The following MAP7 variants were observed in gnomAD, a reference collection of about 807,000 sequenced individuals.
MAP7 encodes the protein ensconsin.
Under a neutral mutation model 94.8 loss-of-function variants are expected in MAP7, and 52 were observed. That is an observed-to-expected ratio of 0.55 (90% CI 0.44 to 0.69). MAP7 has a LOEUF of 0.69. Among genes scored for constraint, MAP7 ranks in the 30% least tolerant of loss-of-function variants. The pLI, the probability that MAP7 is intolerant of heterozygous loss-of-function variation, is 0.00. For synonymous variants in MAP7, 350 were observed against 357.0 expected (o/e 0.98, Z 0.22); for missense variants, 940 against 964.6 (o/e 0.97, Z 0.34).
chr6:136,366,914 C>T (rs978413484), intron 8 of MAP7, among the ~76,000 whole-genome samples: 1 of 152,138 alleles, frequency 6.6e-6, no homozygotes, highest in African/African-American at 2.4e-5. Context: ...CTATATTAGA[C>T]ATAAACTCAT....
chr6:136,538,798 CAA>C (rs397836178), intron 1 of MAP7, among the ~76,000 whole-genome samples: 11,103 of 65,444 alleles, frequency 0.17, 281 homozygotes, highest in East Asian at 0.22. Flanking sequence ...GATTTTGTCT[CAA>C]AAAAAAAAAA....
At chr6:136,374,289 CTT>C (rs1344980734) in intron 7 of MAP7, among the ~76,000 whole-genome samples, 2 of 152,184 alleles carry the variant, frequency 1.3e-5, no homozygotes, top group African/African-American at 4.8e-5. Context: ...AGGAAAAACT[CTT>C]TGAAAATAAT....
intron 7 of MAP7, among the ~76,000 whole-genome samples, chr6:136,374,098 AC>A (rs1775382210): frequency 6.6e-6 from 1 of 152,204 alleles, no homozygotes; most frequent in Non-Finnish European, 1.5e-5. Context: ...TCATTTGAAA[AC>A]AGAATTCTGT....
chr6:136,483,129 C>CAAA (rs57320038), intron 1 of MAP7, among the ~76,000 whole-genome samples: 1,187 of 83,052 alleles, frequency 0.014, 38 homozygotes, highest in East Asian at 0.14. Flanking sequence ...AAGTATCTTT[C>CAAA]AAAAAAAAAA....
At chr6:136,377,924 G>C in intron 6 of MAP7, 56 bp from the exon 7 acceptor site, 1 of 1,258,388 alleles carries the variant, frequency 7.9e-7, no homozygotes, top group Non-Finnish European at 1.2e-6. Flanking sequence ...AGTCAAGAGG[G>C]CATAATACAT....
intron 1 of MAP7, among the ~76,000 whole-genome samples, chr6:136,490,353 C>T (rs1268042009): frequency 6.6e-6 from 1 of 152,124 alleles, no homozygotes; most frequent in East Asian, 1.9e-4. Context: ...TTTAATGATA[C>T]AAATATGCCA....
intron 1 of MAP7, 108 bp from the exon 2 acceptor site, chr6:136,421,907 G>C: frequency 1.3e-6 from 1 of 781,272 alleles, no homozygotes; most frequent in Non-Finnish European, 2.0e-6. Context: ...AGGTTCTTAG[G>C]CTAGATTAAG....
chr6:136,520,611 G>A (rs1826132110), intron 1 of MAP7, among the ~76,000 whole-genome samples: 1 of 152,204 alleles, frequency 6.6e-6, no homozygotes, highest in African/African-American at 2.4e-5. Context: ...CAGTGCGGAA[G>A]GAGCACAGTG....
At chr6:136,547,988 G>C (rs1829860582) in intron 1 of MAP7, among the ~76,000 whole-genome samples, 1 of 152,082 alleles carries the variant, frequency 6.6e-6, no homozygotes, top group South Asian at 2.1e-4. Flanking sequence ...ATAATAATGA[G>C]TTCTAAAAAG....
chr6:136,468,802 T>G (rs1807978841), intron 1 of MAP7, among the ~76,000 whole-genome samples: 1 of 152,198 alleles, frequency 6.6e-6, no homozygotes, highest in South Asian at 2.1e-4. Context: ...TATGTTCTGC[T>G]GCAGCATCTA....
rs114912450 is a variant in MAP7, at chr6:136,372,542, G to T, written c.835C>A (p.Pro279Thr). Residue 279 changes from proline (P) to threonine (T), a missense_variant, in exon 8 of 18, where the codon CCT becomes ACT. Physicochemically the swap from Pro to Thr is conservative, Grantham distance 38. Transcript: ENST00000354570. ...ATCCTCCTGCGAGAAGAGCCCTCAG[G>T]TGGTGTTACAAAGAGTTTTGGTCGA... is the stretch of plus-strand genomic sequence containing the variant. The part of the protein sequence containing the change: ...MDRPKLFVTP[P>T]EGSSRRRIIH... 3.7e-4 allele frequency: 597 copies of T among 1,614,196 alleles called. No individual in the cohort carries two copies. In the African/African-American group the frequency reaches 7.1e-3, roughly 19 times the overall value.
At position 136,424,225 on chromosome 6, in the gene MAP7, G is replaced by T. The variant is rs369553665; in HGVS notation, c.68-2426C>A. ...ACCTGAAAATCCTCATTAACTAGAAGATAGGATTGTATATACCCTTATAAA... is the reference window on the plus strand; with the variant it reads ...ACCTGAAAATCCTCATTAACTAGAATATAGGATTGTATATACCCTTATAAA... On this transcript the variant is annotated intron_variant, in intron 1 of 17. Transcript: ENST00000354570. Among the ~76,000 whole-genome samples the T allele has an allele frequency of 3.1e-4, 47 of 150,550 alleles. 1 individual carries two copies. The highest frequency in any genetic ancestry group is 1.1e-3 in the African/African-American group (45 of 40,934).
intron 1 of MAP7, chr6:136,466,901 A>G: frequency 1.3e-6 from 2 of 1,509,570 alleles, no homozygotes; most frequent in East Asian, 4.9e-5. Context: ...TAATCATGCT[A>G]ACTATTATCT....
intron 1 of MAP7, among the ~76,000 whole-genome samples, chr6:136,449,920 G>T (rs540889936): frequency 2.8e-4 from 42 of 152,318 alleles, no homozygotes; most frequent in African/African-American, 9.9e-4. Context: ...CGGTGGCGGT[G>T]GCTCATGCCT....
At chr6:136,418,506 G>C (rs1790250813) in intron 2 of MAP7, among the ~76,000 whole-genome samples, 1 of 152,146 alleles carries the variant, frequency 6.6e-6, no homozygotes, top group African/African-American at 2.4e-5. Context: ...TGAGCCACCG[G>C]CGCCTGGCCA....
chr6:136,472,463 T>C (rs961542097), intron 1 of MAP7, among the ~76,000 whole-genome samples: 1 of 152,224 alleles, frequency 6.6e-6, no homozygotes, highest in African/African-American at 2.4e-5. Context: ...CAAAAACACA[T>C]TATCCATATG....
At chr6:136,454,561 G>A (rs867373677) in intron 1 of MAP7, among the ~76,000 whole-genome samples, 9 of 151,874 alleles carry the variant, frequency 5.9e-5, no homozygotes, top group Non-Finnish European at 8.8e-5. Flanking sequence ...GCCTCCCAAA[G>A]TGCTGGGATT....
At chr6:136,364,190 G>C in intron 10 of MAP7, 1 of 520,128 alleles carries the variant, frequency 1.9e-6, no homozygotes, top group Non-Finnish European at 3.9e-6. Context: ...TTCTGCATGA[G>C]GGTGAGGTGA....
At chr6:136,526,680 C>T in intron 1 of MAP7, 1 of 985,464 alleles carries the variant, frequency 1.0e-6, no homozygotes, top group Non-Finnish European at 1.2e-6. Flanking sequence ...AAGAGTTTTG[C>T]TTGCACAAGC....
Sources: gnomAD v4.1 joint callset for allele counts (sites outside exome capture counted in the v4.1 genomes callset) on GRCh38, gnomAD v4.1.1 for gene constraint, MANE v1.5 for transcripts, NCBI Gene and HGNC (gene_info 2026-07-23, HGNC 2026-07-21) for gene names.